The following DCAF1 variants were observed in gnomAD, a reference collection of about 807,000 sequenced individuals.
DCAF1 encodes the protein DDB1 and CUL4 associated factor 1, also known as DDB1- and CUL4-associated factor 1.
DCAF1 carries 15 observed loss-of-function variants against 128.0 expected under a neutral mutation model. The ratio of observed to expected loss-of-function variants is 0.12; its 90% CI spans 0.08 to 0.18. The LOEUF is 0.18. Among genes scored for constraint, DCAF1 ranks in the 10% least tolerant of loss-of-function variants. The probability of loss-of-function intolerance (pLI) is 1.00; values close to 1 mark genes in which losing one functional copy is unlikely to be tolerated. For synonymous variants in DCAF1, 610 were observed against 603.0 expected, an observed-to-expected ratio of 1.01 and a Z score of -0.17; for missense variants, 988 against 1,649.5, an observed-to-expected ratio of 0.60 and a Z score of 6.95.
At chr3:51,396,211 T>A (rs2089192738), downstream of DCAF1, 1 of 333,904 alleles carries the variant, frequency 3.0e-6, no homozygotes, top group East Asian at 4.8e-5. Flanking sequence ...CAGAACCAAG[T>A]AAAAGGAAAC....
At chr3:51,469,510 G>A (rs1342207212) in intron 4 of DCAF1, among the ~76,000 whole-genome samples, 4 of 151,824 alleles carry the variant, frequency 2.6e-5, no homozygotes, top group Non-Finnish European at 4.4e-5. Flanking sequence ...GATTACAGGC[G>A]TGAGCCACAG....
chr3:51,442,060 G>A (rs1553638983), intron 7 of DCAF1, among the ~76,000 whole-genome samples, 163 bp from the exon 8 acceptor site: 2 of 152,122 alleles, frequency 1.3e-5, no homozygotes, highest in Admixed American at 6.6e-5. Flanking sequence ...CCTATAAGTT[G>A]ATGAAATAAG....
intron 10 of DCAF1, among the ~76,000 whole-genome samples, chr3:51,432,567 TC>T (rs1163110741): frequency 1.7e-4 from 26 of 152,022 alleles, no homozygotes; most frequent in African/African-American, 5.8e-4. Context: ...CAAGCAATTA[TC>T]CTGCCTCAGC....
At chr3:51,502,350 T>C (rs782060900), upstream of DCAF1, among the ~76,000 whole-genome samples, 3 of 151,988 alleles carry the variant, frequency 2.0e-5, no homozygotes, top group South Asian at 2.1e-4. Flanking sequence ...CTGGGCAACA[T>C]AGAGAGACAC....
In DCAF1 at chr3:51,420,166, G is replaced by A. The variant is rs782164961; in HGVS notation, c.2804C>T (p.Pro935Leu). Residue 935 changes from proline to leucine, a missense_variant, in exon 15 of 25, where the codon CCC becomes CTC. By Grantham distance (98) the Pro-to-Leu change is moderately conservative. This residue lies in a region of DCAF1 where 88 missense variants were observed against 107.7 expected (regional missense o/e 0.82). Coordinates refer to ENST00000684031, the MANE Select transcript of DCAF1 (RefSeq NM_001387579.1). The surrounding 1 kb of genome is among the most constrained non-coding windows in gnomAD (Gnocchi z 6.5). Reference protein sequence around the residue: ...SAPTAHPQPRPPQGPLALPGP... With the variant: ...SAPTAHPQPRLPQGPLALPGP... ...GGGCAGAGCTAGCGGACCCTGGGGG[G>A]GCCGTGGCTGAGGATGAGCAGTAGG... is the stretch of plus-strand genomic sequence containing the variant. The A allele has an allele frequency of 1.7e-5, 27 of 1,614,012 alleles. No individual in the cohort carries two copies. The South Asian group carries it at 2.7e-4, about 16-fold the overall frequency.
intron 13 of DCAF1, among the ~76,000 whole-genome samples, chr3:51,426,365 A>G (rs1699910340): frequency 6.6e-6 from 1 of 151,522 alleles, no homozygotes; most frequent in African/African-American, 2.4e-5. Context: ...GCGTAACACC[A>G]CCCCCGGCTA....
intron 2 of DCAF1, among the ~76,000 whole-genome samples, chr3:51,492,930 C>T (rs912059699): frequency 2.0e-5 from 3 of 151,612 alleles, no homozygotes; most frequent in Non-Finnish European, 4.4e-5. Flanking sequence ...GGAGGTGGAG[C>T]TTGCAGTGAG....
At chr3:51,422,146 T>A (rs1366204144) in intron 14 of DCAF1, among the ~76,000 whole-genome samples, 161 bp downstream of exon 14, 17 of 152,014 alleles carry the variant, frequency 1.1e-4, no homozygotes, top group Non-Finnish European at 4.4e-5. Context: ...TAGTTCCTGA[T>A]CTGCTGAATG....
chr3:51,454,942 G>T (rs1172223819), intron 6 of DCAF1, among the ~76,000 whole-genome samples: 1 of 152,166 alleles, frequency 6.6e-6, no homozygotes, highest in Non-Finnish European at 1.5e-5. Context: ...CAAAGTGCTG[G>T]GGTTACAGGT....
intron 3 of DCAF1, among the ~76,000 whole-genome samples, chr3:51,481,176 A>G (rs571304458): frequency 6.6e-6 from 1 of 152,300 alleles, no homozygotes; most frequent in Admixed American, 6.5e-5. Flanking sequence ...AAAGTAAGCC[A>G]CATCATAAAT....
intron 6 of DCAF1, among the ~76,000 whole-genome samples, chr3:51,462,511 C>T (rs1244573278): frequency 2.0e-5 from 3 of 151,886 alleles, no homozygotes; most frequent in South Asian, 4.2e-4. Flanking sequence ...TTTGGGAGGC[C>T]GAGGCAGGTG....
In DCAF1 at chr3:51,443,829, C is replaced by A; in HGVS notation, c.450G>T (p.Leu150=). 1 of 1,612,700 alleles carries A rather than the reference C, an allele frequency of 6.2e-7. No homozygotes were observed. Among genetic ancestry groups the A allele is most frequent in the Non-Finnish European group, 8.5e-7 (1 of 1,179,598 alleles). ...CTTGATTTTCCATAGCACCTCCTAA[C>A]AGTCCAGTAGAATATGTCCTCAATG... ...DQPLRTYSTG[L]LGGAMENQDI... Residue 150 remains leucine (L), a synonymous_variant, in exon 7 of 25, where the codon CTG becomes CTT. Transcript: ENST00000684031.
intron 9 of DCAF1, among the ~76,000 whole-genome samples, chr3:51,435,341 G>C (rs1700711982): frequency 2.0e-5 from 3 of 152,082 alleles, no homozygotes; most frequent in African/African-American, 7.2e-5. Context: ...TCATCCCACT[G>C]TGCAAAGTAT....
chr3:51,418,655 G>A, intron 16 of DCAF1, 23 bp downstream of exon 16: 9 of 1,587,496 alleles, frequency 5.7e-6, no homozygotes, highest in East Asian at 4.5e-5. Context: ...ATGACTGAGA[G>A]CATCCTAGGA....
chr3:51,502,245 G>A (rs928526599), upstream of DCAF1, among the ~76,000 whole-genome samples: 6 of 152,098 alleles, frequency 3.9e-5, no homozygotes, highest in Admixed American at 3.9e-4. Context: ...CTTCATTTCA[G>A]AAACCCAACC....
intron 24 of DCAF1, among the ~76,000 whole-genome samples, chr3:51,402,794 G>C (rs752168681): frequency 6.6e-6 from 1 of 151,924 alleles, no homozygotes; most frequent in African/African-American, 2.4e-5. Context: ...GGCTGGTCTC[G>C]AACTCCTGAC....
At chr3:51,428,401 T>C (rs1229268814) in intron 12 of DCAF1, among the ~76,000 whole-genome samples, 1 of 142,718 alleles carries the variant, frequency 7.0e-6, no homozygotes, top group Non-Finnish European at 1.5e-5. Flanking sequence ...CGTAGCTCAC[T>C]GCAGTCTTGA....
chr3:51,441,144 G>T lies in DCAF1; in HGVS notation c.1027-73C>A, dbSNP rs1701323028. 3.6e-6 allele frequency: 5 copies of T among 1,380,960 alleles called. No homozygotes were observed. In the South Asian group the frequency reaches 6.4e-5, roughly 18 times the overall value. The allele number at this position is 1,380,960 out of a possible 1,614,324, so 85.5% of individuals were successfully genotyped here. On this transcript the variant is annotated intron_variant, in intron 8 of 24. Transcript: ENST00000684031. ...TGTATTTCCTATTCCACTCTTTGAGGATAGAAGCCTAAAGAAATGATGCAC... is the reference window on the plus strand; with the variant it reads ...TGTATTTCCTATTCCACTCTTTGAGTATAGAAGCCTAAAGAAATGATGCAC...
chr3:51,411,180 A>AG (rs1309062687), intron 23 of DCAF1, among the ~76,000 whole-genome samples: 11 of 151,838 alleles, frequency 7.2e-5, no homozygotes, highest in Admixed American at 5.9e-4. Context: ...AAAAAAAAAA[A>AG]AGAGAGACAA....
Sources: allele counts gnomAD v4.1 joint callset (sites outside exome capture counted in the v4.1 genomes callset), GRCh38; gene constraint gnomAD v4.1.1; regional missense constraint gnomAD v4.1.1; non-coding constraint Gnocchi (gnomAD v3.1); transcripts MANE v1.5; gene names NCBI Gene and HGNC (gene_info 2026-07-23, HGNC 2026-07-21).